Variants in P4HA1 observed in about 807,000 individuals in gnomAD.
P4HA1 encodes the protein prolyl 4-hydroxylase subunit alpha-1.
A neutral mutation model predicts 72.8 loss-of-function variants in P4HA1; 24 were observed. That is an observed-to-expected ratio of 0.33 (90% CI 0.24 to 0.46). The LOEUF is 0.46. P4HA1 is among the 20% of genes least tolerant of loss of function. The probability of loss-of-function intolerance (pLI) is 1.00; values close to 1 mark genes in which losing one functional copy is unlikely to be tolerated. For missense variants in P4HA1, 446 were observed against 640.6 expected, an observed-to-expected ratio of 0.70 and a Z score of 3.28; for synonymous variants, 201 against 218.8, an observed-to-expected ratio of 0.92 and a Z score of 0.72.
chr10:73,063,913 G>A (rs1239012101), intron 5 of P4HA1, among the ~76,000 whole-genome samples: 1 of 152,092 alleles, frequency 6.6e-6, no homozygotes, highest in African/African-American at 2.4e-5. Context: ...TTCCAAAGTA[G>A]AGAACATGAG....
At chr10:73,081,016 A>G (rs1398227678) in intron 1 of P4HA1, among the ~76,000 whole-genome samples, 1 of 152,240 alleles carries the variant, frequency 6.6e-6, no homozygotes, top group Non-Finnish European at 1.5e-5. Flanking sequence ...TTGCAAAGAG[A>G]ATCATTATAG....
At chr10:73,053,074 C>T (rs1013603115) in intron 6 of P4HA1, among the ~76,000 whole-genome samples, 11 of 152,042 alleles carry the variant, frequency 7.2e-5, no homozygotes, top group African/African-American at 2.4e-4. Flanking sequence ...ACATGGTAAA[C>T]AAACATTTTT....
intron 5 of P4HA1, among the ~76,000 whole-genome samples, chr10:73,063,878 T>C (rs1293355437): frequency 6.6e-6 from 1 of 152,076 alleles, no homozygotes; most frequent in Admixed American, 6.5e-5. Flanking sequence ...TCAAAAGTAA[T>C]GCAGCATTTG....
At chr10:73,036,571 A>AT (rs894066142) in intron 9 of P4HA1, among the ~76,000 whole-genome samples, 5 of 151,742 alleles carry the variant, frequency 3.3e-5, no homozygotes, top group East Asian at 1.9e-4. Context: ...TAATTTTTGT[A>AT]TTTTTTTGTA....
intron 12 of P4HA1, 28 bp downstream of exon 12, chr10:73,014,196 T>C: frequency 6.8e-7 from 1 of 1,473,922 alleles, no homozygotes; most frequent in Non-Finnish European, 9.5e-7. Context: ...AATCCCAACT[T>C]AATCTAAAAA....
At chr10:73,088,099 C>T (rs1242904004) in intron 1 of P4HA1, among the ~76,000 whole-genome samples, 3 of 152,068 alleles carry the variant, frequency 2.0e-5, no homozygotes, top group Non-Finnish European at 2.9e-5. Context: ...CTCACTCTTG[C>T]CAAGGCTAGT....
chr10:73,056,960 T>C (rs539533926), intron 5 of P4HA1, among the ~76,000 whole-genome samples: 40 of 146,648 alleles, frequency 2.7e-4, no homozygotes, highest in African/African-American at 9.9e-4. Context: ...CTCAGGAGGC[T>C]GTGGCAGGAG....
At chr10:73,095,227 T>TAAAAAAAAAAAAAAA (rs35159575) in intron 1 of P4HA1, among the ~76,000 whole-genome samples, 1 of 67,314 alleles carries the variant, frequency 1.5e-5, no homozygotes, top group Non-Finnish European at 3.6e-5. Context: ...GCTCACAAGC[T>TAAAAAAAAAAAAAAA]AAAAAAAAAA....
intron 7 of P4HA1, among the ~76,000 whole-genome samples, chr10:73,048,634 CTT>C (rs111740130): frequency 2.0e-5 from 3 of 151,946 alleles, no homozygotes; most frequent in Non-Finnish European, 4.4e-5. Flanking sequence ...TTAGCAGACT[CTT>C]TGTTTTATAT....
intron 5 of P4HA1, chr10:73,065,488 T>C (rs1190827364): frequency 2.0e-5 from 3 of 152,188 alleles, no homozygotes; most frequent in South Asian, 4.1e-4. Context: ...ACTAAGCATT[T>C]CTCTGACTTT....
chr10:73,028,269 A>C (rs111548815), intron 10 of P4HA1, among the ~76,000 whole-genome samples: 32 of 151,170 alleles, frequency 2.1e-4, no homozygotes, highest in African/African-American at 7.1e-4. Context: ...TGTTCTGACA[A>C]AGACGGAGTA....
Position 73,029,482 on chromosome 10 carries a change from C to T in P4HA1, c.1248+789G>A, listed in dbSNP as rs117781960. On this transcript the variant is annotated intron_variant, in intron 10 of 14. Coordinates refer to ENST00000394890, the MANE Select transcript of P4HA1 (RefSeq NM_001017962.3). ...AATAAAGGCATTGGTTTTTTTAGTG[C>T]ACATTTTGATAACTTCAAAAAAAAA... Among the ~76,000 whole-genome samples the T allele has an allele frequency of 7.6e-3, 1,121 of 147,498 alleles. 42 individuals are homozygous for T. Among genetic ancestry groups the T allele is most frequent in the East Asian group, 0.046 (232 of 5,080 alleles).
At chr10:73,067,204 C>T (rs879792643) in intron 5 of P4HA1, among the ~76,000 whole-genome samples, 2 of 152,096 alleles carry the variant, frequency 1.3e-5, no homozygotes, top group Non-Finnish European at 2.9e-5. Flanking sequence ...GTTGATGAAG[C>T]CAGAAATTCC....
chr10:73,043,797 T>C, intron 9 of P4HA1: 1 of 965,776 alleles, frequency 1.0e-6, no homozygotes, highest in Non-Finnish European at 1.7e-6. Flanking sequence ...ACCTAGGTCT[T>C]AGAAACTATA....
intron 5 of P4HA1, among the ~76,000 whole-genome samples, chr10:73,061,884 T>G (rs753767400): frequency 2.6e-4 from 40 of 152,306 alleles, no homozygotes; most frequent in Admixed American, 2.4e-3. Context: ...CCAGGTGTGG[T>G]GGCACGCACC....
chr10:73,058,047 A>C (rs1373484734), intron 5 of P4HA1, among the ~76,000 whole-genome samples: 1 of 136,928 alleles, frequency 7.3e-6, no homozygotes, highest in African/African-American at 2.8e-5. Context: ...CCAAGATTGC[A>C]CCACTGCACT....
intron 5 of P4HA1, among the ~76,000 whole-genome samples, chr10:73,068,185 A>G (rs962151240): frequency 6.6e-6 from 1 of 152,208 alleles, no homozygotes; most frequent in Non-Finnish European, 1.5e-5. Flanking sequence ...ATGAGCAAGA[A>G]AACATTTTGA....
intron 9 of P4HA1, among the ~76,000 whole-genome samples, chr10:73,035,533 C>T (rs1840549587): frequency 6.6e-6 from 1 of 152,064 alleles, no homozygotes; most frequent in African/African-American, 2.4e-5. Context: ...AACAACAGAA[C>T]ACCACCACAA....
At chr10:73,014,197 A>C (rs1445304531) in intron 12 of P4HA1, 27 bp downstream of exon 12, 5 of 1,480,910 alleles carry the variant, frequency 3.4e-6, no homozygotes, top group South Asian at 2.3e-5. Context: ...ATCCCAACTT[A>C]ATCTAAAAAT....
Sources: gnomAD v4.1 joint callset for allele counts (sites outside exome capture counted in the v4.1 genomes callset) on GRCh38, gnomAD v4.1.1 for gene constraint, MANE v1.5 for transcripts, NCBI Gene and HGNC (gene_info 2026-07-23, HGNC 2026-07-21) for gene names.